The following ADGRL3 variants were observed in gnomAD, a reference collection of about 807,000 sequenced individuals.
The protein encoded by ADGRL3 is calcium-independent alpha-latrotoxin receptor 3.
Under a neutral mutation model 153.5 loss-of-function variants are expected in ADGRL3, and 62 were observed. That is an observed-to-expected ratio of 0.40 (90% confidence interval 0.33 to 0.50). ADGRL3 has a LOEUF of 0.50. Ranked by LOEUF, ADGRL3 falls within the 20% of genes least tolerant of loss-of-function variation. ADGRL3 has a pLI of 0.47. For missense variants in ADGRL3, 1,641 were observed against 1,859.4 expected, an observed-to-expected ratio of 0.88 and a Z score of 2.16; for synonymous variants, 710 against 672.5, an observed-to-expected ratio of 1.06 and a Z score of -0.86.
chr4:61,755,607 G>A (rs183394320), intron 8 of ADGRL3, among the ~76,000 whole-genome samples: 1,622 of 152,278 alleles, frequency 0.011, 55 homozygotes, highest in East Asian at 0.069. Context: ...TTGCTGTGCA[G>A]AAGCTCTTTA....
chr4:61,835,028 A>G (rs2097915822), intron 9 of ADGRL3, among the ~76,000 whole-genome samples: 1 of 152,126 alleles, frequency 6.6e-6, no homozygotes, highest in Admixed American at 6.5e-5. Flanking sequence ...GACATTAGCC[A>G]TTTCTTAAAG....
In ADGRL3 at chr4:61,406,394, A is replaced by G. The variant is rs533081901; in HGVS notation, c.-174+23205A>G. Among the ~76,000 whole-genome samples, 4 of 151,990 alleles carry G rather than the reference A, an allele frequency of 2.6e-5. No individual in the cohort carries two copies. In the South Asian group the frequency reaches 8.3e-4, roughly 32 times the overall value. On this transcript the variant is annotated intron_variant, in intron 2 of 26. Transcript: ENST00000683033. ...TCTCATAATTAATGAGGGAGTACAT[A>G]TTGCTTATATAAATTAATAATACAT... is the stretch of plus-strand genomic sequence containing the variant.
chr4:61,818,444 G>A (rs1409225073), intron 9 of ADGRL3, among the ~76,000 whole-genome samples: 1 of 152,124 alleles, frequency 6.6e-6, no homozygotes, highest in Non-Finnish European at 1.5e-5. Flanking sequence ...CAGGTGCATG[G>A]TGCAAGCCAT....
chr4:61,901,364 TACA>T (rs1478001022), intron 11 of ADGRL3, among the ~76,000 whole-genome samples: 1 of 152,212 alleles, frequency 6.6e-6, no homozygotes, highest in Non-Finnish European at 1.5e-5. Context: ...TACAGTATTT[TACA>T]ACGTTTGACA....
At chr4:61,694,185 T>C (rs61687933) in intron 6 of ADGRL3, among the ~76,000 whole-genome samples, 1,085 of 8,386 alleles carry the variant, frequency 0.13, 29 homozygotes, top group South Asian at 0.37. Flanking sequence ...CATTATTTTT[T>C]TTTTTTTTTT....
At chr4:61,779,043 G>A (rs1404059832) in intron 8 of ADGRL3, among the ~76,000 whole-genome samples, 1 of 150,504 alleles carries the variant, frequency 6.6e-6, no homozygotes, top group African/African-American at 2.5e-5. Flanking sequence ...GGGTGACAGA[G>A]GGAGACTCTG....
At chr4:61,809,712 A>G (rs189549156) in intron 8 of ADGRL3, among the ~76,000 whole-genome samples, 1 of 152,136 alleles carries the variant, frequency 6.6e-6, no homozygotes, top group East Asian at 1.9e-4. Context: ...ACTCTGCATA[A>G]GAATATGGAC....
At chr4:61,259,874 T>C (rs2149564614) in intron 1 of ADGRL3, among the ~76,000 whole-genome samples, 1 of 152,322 alleles carries the variant, frequency 6.6e-6, no homozygotes, top group African/African-American at 2.4e-5. Context: ...ATATTAGATT[T>C]TCTCTTTTCC....
At chr4:61,847,842 ATATAAAATATAT>A in intron 9 of ADGRL3, among the ~76,000 whole-genome samples, 1 of 13,330 alleles carries the variant, frequency 7.5e-5, no homozygotes, top group South Asian at 1.8e-3. Flanking sequence ...TATATATATA[ATATAAAATATAT>A]TATATATAAT....
chr4:62,055,738 A>G (rs1736656325), intron 25 of ADGRL3, among the ~76,000 whole-genome samples: 1 of 151,630 alleles, frequency 6.6e-6, no homozygotes, highest in Non-Finnish European at 1.5e-5. Flanking sequence ...TAGCCCGACA[A>G]AGTTGAACTA....
chr4:61,495,787 T>C (rs2098309204), intron 2 of ADGRL3, among the ~76,000 whole-genome samples: 1 of 152,180 alleles, frequency 6.6e-6, no homozygotes, highest in African/African-American at 2.4e-5. Flanking sequence ...TGTACAATCC[T>C]GGAGAATAGG....
chr4:61,707,152 A>G (rs2095870654), intron 6 of ADGRL3, among the ~76,000 whole-genome samples: 1 of 152,180 alleles, frequency 6.6e-6, no homozygotes, highest in Non-Finnish European at 1.5e-5. Context: ...TAAGTTCACC[A>G]TCTTATATAG....
intron 2 of ADGRL3, among the ~76,000 whole-genome samples, chr4:61,462,152 C>G (rs186624064): frequency 6.6e-6 from 1 of 152,196 alleles, no homozygotes; most frequent in East Asian, 1.9e-4. Context: ...GAAACAATAA[C>G]CCCAGTGTTT....
intron 2 of ADGRL3, among the ~76,000 whole-genome samples, chr4:61,477,832 A>G (rs990360687): frequency 7.2e-5 from 11 of 152,094 alleles, no homozygotes; most frequent in Non-Finnish European, 1.5e-4. Flanking sequence ...GTATATATAT[A>G]GTGTTGAAAT....
chr4:61,588,736 T>C (rs2098957056), intron 5 of ADGRL3, among the ~76,000 whole-genome samples: 1 of 152,062 alleles, frequency 6.6e-6, no homozygotes, highest in Non-Finnish European at 1.5e-5. Context: ...CTATACTAAA[T>C]GCTATGCCTG....
rs571374832 is a variant in ADGRL3 at position 62,071,956 on chromosome 4, A to C, written c.*1048A>C. On this transcript the variant is annotated 3_prime_UTR_variant, in exon 27 of 27. Coordinates refer to ENST00000683033, the MANE Select transcript of ADGRL3 (RefSeq NM_001387552.1). Reference sequence around the variant, plus strand: ...TGTTTTTTGCAAATTAGAGCAGGACAAACTTTTATGTTTACAGGGCACGTC... The same window carrying C: ...TGTTTTTTGCAAATTAGAGCAGGACCAACTTTTATGTTTACAGGGCACGTC... The C allele has an allele frequency of 1.6e-5, 4 of 250,474 alleles. No homozygotes were observed. The East Asian group carries it at 4.9e-4, about 31-fold the overall frequency. The allele number at this position is 250,474 out of a possible 1,614,324, so 15.5% of individuals were successfully genotyped here.
At chr4:61,928,750 A>G (rs1213950152) in intron 13 of ADGRL3, among the ~76,000 whole-genome samples, 1 of 152,114 alleles carries the variant, frequency 6.6e-6, no homozygotes, top group Non-Finnish European at 1.5e-5. Flanking sequence ...TCCCTCCCAA[A>G]TCATGGTGAT....
At chr4:61,366,493 A>C (rs1201949352) in intron 1 of ADGRL3, among the ~76,000 whole-genome samples, 1 of 152,214 alleles carries the variant, frequency 6.6e-6, no homozygotes, top group Admixed American at 6.6e-5. Flanking sequence ...GCATCTAAGC[A>C]AATAAAGCGG....
intron 1 of ADGRL3, among the ~76,000 whole-genome samples, chr4:61,278,186 A>G (rs2093563919): frequency 6.6e-6 from 1 of 152,130 alleles, no homozygotes; most frequent in Non-Finnish European, 1.5e-5. Flanking sequence ...GGCTGCCTAT[A>G]GTTATGTCAT....
Sources: allele counts gnomAD v4.1 joint callset (sites outside exome capture counted in the v4.1 genomes callset), GRCh38; gene constraint gnomAD v4.1.1; transcripts MANE v1.5; gene names NCBI Gene and HGNC (gene_info 2026-07-23, HGNC 2026-07-21).